DHX57: variants seen among roughly 807,000 people sequenced by gnomAD.
The protein encoded by DHX57 is putative ATP-dependent RNA helicase DHX57.
DHX57 carries 105 observed loss-of-function variants against 156.2 expected under a neutral mutation model. That is an observed-to-expected ratio of 0.67 (90% CI 0.57 to 0.79). DHX57 has a LOEUF of 0.79. Ranked by LOEUF, DHX57 falls within the 30% of genes least tolerant of loss-of-function variation. The probability of loss-of-function intolerance (pLI) is 0.00; values close to 1 mark genes in which losing one functional copy is unlikely to be tolerated. For synonymous variants in DHX57, 704 were observed against 595.6 expected, an observed-to-expected ratio of 1.18 and a Z score of -2.65; for missense variants, 1,847 against 1,661.9, an observed-to-expected ratio of 1.11 and a Z score of -1.94.
intron 13 of DHX57, among the ~76,000 whole-genome samples, chr2:38,832,395 G>A (rs1044194984): frequency 4.0e-5 from 6 of 151,834 alleles, no homozygotes; most frequent in East Asian, 1.9e-4. Context: ...CCGAGATTGC[G>A]CCACTGCACC....
chr2:38,805,434 T>C (rs140532074), intron 22 of DHX57, among the ~76,000 whole-genome samples: 4 of 152,296 alleles, frequency 2.6e-5, no homozygotes, highest in African/African-American at 9.6e-5. Flanking sequence ...GTCTAATTGA[T>C]GTTTTGTAAA....
At chr2:38,856,918 A>G (rs1207071080) in intron 6 of DHX57, 1 of 154,048 alleles carries the variant, frequency 6.5e-6, no homozygotes, top group African/African-American at 2.4e-5. Flanking sequence ...TGCTCAGAGA[A>G]TCAGCCAGAA....
chr2:38,854,908 A>G (rs1672803443), intron 8 of DHX57, 149 bp downstream of exon 8: 3 of 768,206 alleles, frequency 3.9e-6, no homozygotes, highest in Non-Finnish European at 6.4e-6. Context: ...CTAAATATTT[A>G]AATAAATGAT....
intron 13 of DHX57, among the ~76,000 whole-genome samples, chr2:38,829,103 G>A (rs1029247771): frequency 1.2e-4 from 18 of 151,822 alleles, no homozygotes; most frequent in African/African-American, 3.6e-4. Flanking sequence ...CATCACGCCC[G>A]GCTAATTTTT....
At chr2:38,824,619 C>T (rs1670999195) in intron 16 of DHX57, among the ~76,000 whole-genome samples, 3 of 152,136 alleles carry the variant, frequency 2.0e-5, no homozygotes, top group South Asian at 4.1e-4. Flanking sequence ...TTCCTTCTCA[C>T]ATCTGAAGTT....
intron 1 of DHX57, 60 bp from the exon 2 acceptor site, chr2:38,868,471 G>GT: frequency 6.5e-7 from 1 of 1,531,612 alleles, no homozygotes; most frequent in African/African-American, 1.4e-5. Context: ...ATAATCCTTT[G>GT]TTTGCCAAAC....
chr2:38,823,879 A>G (rs1670956311), intron 16 of DHX57, among the ~76,000 whole-genome samples: 1 of 152,076 alleles, frequency 6.6e-6, no homozygotes, highest in Non-Finnish European at 1.5e-5. Flanking sequence ...AGGCATGGTG[A>G]TGTGCACATG....
rs11317082 is a variant in DHX57, at chr2:38,853,224, ATT to A, written c.2030+828_2030+829del. 2.4e-3 allele frequency: 327 copies of A among 136,424 alleles called. 1 individual carries two copies. The highest frequency in any genetic ancestry group is 4.1e-3 in the Admixed American group (56 of 13,612). The allele number at this position is 136,424 out of a possible 1,614,324, so 8.5% of individuals were successfully genotyped here. ...AGGTGTGAGGCATCACGCCTGGCTA[ATT>A]TTTTTTTTTTTTTTTCTGTATCCCC... On this transcript the variant is annotated intron_variant, in intron 9 of 23. Transcript: ENST00000457308.
chr2:38,813,719 G>A (rs368442579), intron 21 of DHX57, 102 bp downstream of exon 21: 117 of 1,349,562 alleles, frequency 8.7e-5, no homozygotes, highest in African/African-American at 3.8e-4. Context: ...GCACACATGC[G>A]TATATATCTC....
intron 23 of DHX57, among the ~76,000 whole-genome samples, chr2:38,800,711 C>T (rs1264095856): frequency 1.3e-5 from 2 of 152,140 alleles, no homozygotes; most frequent in African/African-American, 4.8e-5. Flanking sequence ...ACATGTGATG[C>T]CAGGAGCTAT....
At chr2:38,820,913 C>T (rs1188847295) in intron 17 of DHX57, among the ~76,000 whole-genome samples, 1 of 146,886 alleles carries the variant, frequency 6.8e-6, no homozygotes, top group South Asian at 2.1e-4. Flanking sequence ...CTCTACCCAA[C>T]AGCAAAAAAT....
At chr2:38,864,498 A>C (rs1273532944) in intron 2 of DHX57, among the ~76,000 whole-genome samples, 3 of 152,182 alleles carry the variant, frequency 2.0e-5, no homozygotes, top group Non-Finnish European at 4.4e-5. Flanking sequence ...ACATGCTCCT[A>C]TCTTAAAGTC....
chr2:38,835,419 A>G (rs527393455), intron 13 of DHX57, among the ~76,000 whole-genome samples: 103 of 152,340 alleles, frequency 6.8e-4, no homozygotes, highest in African/African-American at 2.3e-3. Context: ...AGGCTGGCCA[A>G]TGGGAACCCC....
chr2:38,809,175 A>G (rs1670106577), intron 21 of DHX57, among the ~76,000 whole-genome samples: 1 of 152,074 alleles, frequency 6.6e-6, no homozygotes, highest in Non-Finnish European at 1.5e-5. Context: ...GCTGTAGTGT[A>G]GTGGCACAAT....
intron 2 of DHX57, 113 bp downstream of exon 2, chr2:38,868,069 A>G: frequency 7.5e-7 from 1 of 1,341,796 alleles, no homozygotes; most frequent in Non-Finnish European, 1.0e-6. Flanking sequence ...ACAAAGAGGA[A>G]GACAATTTGA....
Position 38,859,817 on chromosome 2 carries a change from C to CTT in DHX57, c.1412-983_1412-982dup, listed in dbSNP as rs200526041. 4.3e-3 allele frequency among the ~76,000 whole-genome samples: 585 copies of CTT among 135,652 alleles called. 3 individuals carry two copies. The highest frequency in any genetic ancestry group is 0.011 in the African/African-American group (388 of 36,584). The allele number at this position is 135,652 out of a possible 152,430, so 89.0% of individuals were successfully genotyped here. ...AGATGGCAACCAATAAAAGAGGATC[C>CTT]TTTTTTTTTTTTTTTTAATTAAGAA... is the stretch of plus-strand genomic sequence containing the variant. On this transcript the variant is annotated intron_variant, in intron 5 of 23. Coordinates refer to ENST00000457308, the MANE Select transcript of DHX57 (RefSeq NM_198963.3).
chr2:38,841,187 A>G (rs765134206), intron 12 of DHX57, among the ~76,000 whole-genome samples: 5 of 152,236 alleles, frequency 3.3e-5, no homozygotes, highest in Non-Finnish European at 5.9e-5. Context: ...AGTTGGTATG[A>G]CGTACAAAAA....
At chr2:38,812,874 G>A (rs1293574672) in intron 21 of DHX57, among the ~76,000 whole-genome samples, 1 of 49,922 alleles carries the variant, frequency 2.0e-5, no homozygotes, top group South Asian at 7.8e-4. Flanking sequence ...TTGAGACAGA[G>A]TCTCGGTCTG....
chr2:38,868,222 C>G lies in DHX57; in HGVS notation c.184G>C (p.Asp62His), dbSNP rs752159773. The change falls in exon 2 of 24, where the codon GAT (aspartate) becomes CAT (histidine). Residue 62 changes from aspartate to histidine, a missense_variant. Asp to His is a moderately conservative substitution (Grantham distance 81). Transcript: ENST00000457308. ...GATTCACTGAAGATACAAAAGTCAT[C>G]TCCATCATCCCATATTCTACTGGAG... is the stretch of plus-strand genomic sequence containing the variant. ...KASSRIWDDG[D>H]DFCIFSESRR... is the part of the protein sequence containing the mutation. 1.2e-6 allele frequency: 2 copies of G among 1,614,144 alleles called. No homozygotes were observed. The highest frequency in any genetic ancestry group is 2.2e-5 in the South Asian group (2 of 91,086).
Sources: allele counts gnomAD v4.1 joint callset (sites outside exome capture counted in the v4.1 genomes callset), GRCh38; gene constraint gnomAD v4.1.1; transcripts MANE v1.5; gene names NCBI Gene and HGNC (gene_info 2026-07-23, HGNC 2026-07-21).